Variants in ANKFN1 observed in about 807,000 individuals in gnomAD.
ANKFN1 encodes the protein ankyrin repeat and fibronectin type-III domain-containing protein 1.
A neutral mutation model predicts 108.7 loss-of-function variants in ANKFN1; 74 were observed. The ratio of observed to expected loss-of-function variants is 0.68; its 90% confidence interval spans 0.56 to 0.83. ANKFN1 has a LOEUF of 0.83. ANKFN1 is among the 40% of genes least tolerant of loss of function. The pLI is 0.00. For synonymous variants in ANKFN1, 547 were observed against 516.2 expected, an observed-to-expected ratio of 1.06 and a Z score of -0.81; for missense variants, 1,505 against 1,382.3, an observed-to-expected ratio of 1.09 and a Z score of -1.41.
intron 2 of ANKFN1, among the ~76,000 whole-genome samples, chr17:56,215,014 C>T (rs1383126364): frequency 6.6e-6 from 1 of 152,200 alleles, no homozygotes; most frequent in Non-Finnish European, 1.5e-5. Flanking sequence ...ATCCACATAA[C>T]TGGAGGAAAT....
At chr17:56,086,857 C>A (rs1002922998) in intron 4 of ANKFN1, among the ~76,000 whole-genome samples, 2 of 151,372 alleles carry the variant, frequency 1.3e-5, no homozygotes, top group Admixed American at 6.6e-5. Context: ...AGTATCATTT[C>A]TTGAACTCCA....
At chr17:56,246,153 G>A (rs941815484) in intron 3 of ANKFN1, among the ~76,000 whole-genome samples, 10 of 152,042 alleles carry the variant, frequency 6.6e-5, no homozygotes, top group African/African-American at 1.9e-4. Flanking sequence ...AACTGCAACC[G>A]AAATATAACT....
intron 3 of ANKFN1, among the ~76,000 whole-genome samples, chr17:56,312,021 G>C (rs2045044237): frequency 6.6e-6 from 1 of 152,070 alleles, no homozygotes; most frequent in African/African-American, 2.4e-5. Context: ...CTGAAAACTT[G>C]GTTCTAAAAA....
chr17:56,104,619 G>A (rs765956110), intron 4 of ANKFN1, among the ~76,000 whole-genome samples: 2 of 152,180 alleles, frequency 1.3e-5, no homozygotes, highest in Non-Finnish European at 2.9e-5. Context: ...CCTGGTTCCT[G>A]CCCCAGTGTC....
chr17:56,433,833 A>G (rs538492616), intron 8 of ANKFN1, among the ~76,000 whole-genome samples: 1 of 151,960 alleles, frequency 6.6e-6, no homozygotes, highest in Non-Finnish European at 1.5e-5. Flanking sequence ...ATGGAAATAA[A>G]AAAAAAAAAA....
intron 1 of ANKFN1, among the ~76,000 whole-genome samples, chr17:56,178,545 A>G (rs1911385845): frequency 6.6e-6 from 1 of 151,998 alleles, no homozygotes; most frequent in African/African-American, 2.4e-5. Flanking sequence ...TAAAATCTAT[A>G]CTTAAGAAGG....
chr17:56,300,034 A>G (rs2044629208), intron 3 of ANKFN1, among the ~76,000 whole-genome samples: 1 of 152,106 alleles, frequency 6.6e-6, no homozygotes, highest in East Asian at 1.9e-4. Flanking sequence ...CATATGGTAA[A>G]TTTTCTGTCT....
At chr17:56,123,891 A>G (rs1425534484) in intron 4 of ANKFN1, among the ~76,000 whole-genome samples, 1 of 151,840 alleles carries the variant, frequency 6.6e-6, no homozygotes, top group Non-Finnish European at 1.5e-5. Context: ...GCAAGTCTAC[A>G]TGAATTATGA....
At chr17:56,107,592 A>G (rs1905775197) in intron 4 of ANKFN1, among the ~76,000 whole-genome samples, 1 of 152,130 alleles carries the variant, frequency 6.6e-6, no homozygotes, top group Non-Finnish European at 1.5e-5. Context: ...GATCCCAAAG[A>G]GCCCGCTAGT....
At chr17:56,472,664 C>T (rs1419976724) in intron 15 of ANKFN1, 1 of 152,068 alleles carries the variant, frequency 6.6e-6, no homozygotes, top group Non-Finnish European at 1.5e-5. Context: ...TTCAGTCAAA[C>T]GAAGACAGAC....
intron 16 of ANKFN1, among the ~76,000 whole-genome samples, chr17:56,479,291 T>C (rs1383308907): frequency 6.6e-6 from 1 of 152,202 alleles, no homozygotes; most frequent in African/African-American, 2.4e-5. Context: ...ACGATATTCC[T>C]ACCGGTAATT....
intron 1 of ANKFN1, among the ~76,000 whole-genome samples, chr17:56,176,164 G>A (rs758735383): frequency 2.0e-5 from 3 of 152,002 alleles, no homozygotes; most frequent in Admixed American, 6.5e-5. Context: ...TAAATGATGC[G>A]AATCCATGTG....
chr17:56,336,819 C>T (rs1323880172), intron 4 of ANKFN1, among the ~76,000 whole-genome samples: 2 of 152,020 alleles, frequency 1.3e-5, no homozygotes, highest in African/African-American at 2.4e-5. Flanking sequence ...GTTAGGGTGT[C>T]GATTTTAGAT....
chr17:56,167,190 A>T (rs1352748852), intron 1 of ANKFN1, among the ~76,000 whole-genome samples: 3 of 150,486 alleles, frequency 2.0e-5, no homozygotes, highest in Non-Finnish European at 4.4e-5. Context: ...TATATCATGT[A>T]TACATATATG....
intron 16 of ANKFN1, 60 bp downstream of exon 16, chr17:56,477,714 T>C (rs541506180): frequency 6.4e-7 from 1 of 1,561,498 alleles, no homozygotes; most frequent in African/African-American, 1.4e-5. Flanking sequence ...GTGACCAGCT[T>C]GATGTGCCAG....
chr17:56,355,973 A>G (rs2046365581), intron 6 of ANKFN1, among the ~76,000 whole-genome samples: 1 of 152,234 alleles, frequency 6.6e-6, no homozygotes, highest in African/African-American at 2.4e-5. Context: ...TCAGCTCTTG[A>G]CAACCATGAA....
In ANKFN1 at chr17:56,350,827, CAT is replaced by C; in HGVS notation, c.252_253del (p.His84GlnfsTer18). The C allele has an allele frequency of 6.2e-7, 1 of 1,613,794 alleles. No homozygotes were observed. The highest frequency in any genetic ancestry group is 8.5e-7 in the Non-Finnish European group (1 of 1,179,862). On this transcript the variant is annotated frameshift_variant, in exon 5 of 21. Coordinates refer to ENST00000682825, the MANE Select transcript of ANKFN1 (RefSeq NM_001370326.1). LOFTEE classifies it high-confidence loss of function. Reference protein sequence around the residue: ...QNLHLCQSKKHSAPSSPNAAK... With the variant: ...QNLHLCQSKKXSAPSSPNAAK... Reference sequence around the variant, plus strand: ...TTTACATCTCTGTCAGTCAAAAAAACATAGTGCTCCCTCATCTCCCAACGCAG... The same window carrying C: ...TTTACATCTCTGTCAGTCAAAAAAACAGTGCTCCCTCATCTCCCAACGCAG...
At chr17:56,078,065 CA>C (rs1175619207) in intron 4 of ANKFN1, among the ~76,000 whole-genome samples, 2 of 152,134 alleles carry the variant, frequency 1.3e-5, no homozygotes, top group African/African-American at 4.8e-5. Context: ...TTGTAGCGGG[CA>C]GTAAATTTGT....
chr17:56,183,177 T>C (rs1330509496), intron 1 of ANKFN1, among the ~76,000 whole-genome samples: 1 of 152,174 alleles, frequency 6.6e-6, no homozygotes, highest in Non-Finnish European at 1.5e-5. Context: ...AGGAGTTATT[T>C]TGGCTTTCAA....
Sources: gnomAD v4.1 joint callset for allele counts (sites outside exome capture counted in the v4.1 genomes callset) on GRCh38, gnomAD v4.1.1 for gene constraint, MANE v1.5 for transcripts, NCBI Gene and HGNC (gene_info 2026-07-23, HGNC 2026-07-21) for gene names.